Variants in SEC13 observed in about 807,000 individuals in gnomAD.
SEC13 encodes the protein protein SEC13 homolog.
In SEC13, 25 loss-of-function variants were observed where a neutral mutation model predicts 49.2. That is an observed-to-expected ratio of 0.51 (90% CI 0.37 to 0.71). SEC13 has a LOEUF of 0.71. Ranked by LOEUF, SEC13 falls within the 30% of genes least tolerant of loss-of-function variation. The probability of loss-of-function intolerance (pLI) is 0.00; values close to 1 mark genes in which losing one functional copy is unlikely to be tolerated. For missense variants in SEC13, 383 were observed against 417.6 expected (o/e 0.92, Z 0.72); for synonymous variants, 148 against 163.9 (o/e 0.90, Z 0.74).
chr3:10,320,841 C>G (rs2059764284), intron 1 of SEC13: 3 of 1,319,692 alleles, frequency 2.3e-6, no homozygotes, highest in African/African-American at 3.1e-5. Context: ...CGGCGCGCCC[C>G]GCAAAGTCAG....
chr3:10,311,915 CGGGGCAAGGCA>C lies in SEC13; in HGVS notation c.450+39_450+49del, dbSNP rs752883675. The C allele has an allele frequency of 9.9e-6, 16 of 1,613,848 alleles. No individual in the cohort carries two copies. The Admixed American group carries it at 1.3e-4, about 13-fold the overall frequency. Reference sequence around the variant, plus strand: ...CCCTCTAGGGAGGCTGCAGCAGACACGGGGCAAGGCAGGCGCTCTCACTGCACGAAAGGCAG... The same window carrying C: ...CCCTCTAGGGAGGCTGCAGCAGACACGGCGCTCTCACTGCACGAAAGGCAG... On this transcript the variant is annotated intron_variant, in intron 5 of 8. Coordinates refer to ENST00000350697, the MANE Select transcript of SEC13 (RefSeq NM_183352.3).
At chr3:10,318,117 T>C in intron 1 of SEC13, 23 bp from the exon 2 acceptor site, 1 of 1,553,940 alleles carries the variant, frequency 6.4e-7, no homozygotes, top group African/African-American at 1.4e-5. Flanking sequence ...ATATCACTGG[T>C]AAATTAACTC....
At chr3:10,318,184 C>T (rs756972842) in intron 1 of SEC13, 90 bp from the exon 2 acceptor site, 2 of 846,046 alleles carry the variant, frequency 2.4e-6, no homozygotes, top group East Asian at 2.5e-5. Flanking sequence ...TGTTCACTCA[C>T]TCATTCATTC....
At chr3:10,307,157 T>G (rs1469370295) in intron 5 of SEC13, among the ~76,000 whole-genome samples, 1 of 151,810 alleles carries the variant, frequency 6.6e-6, no homozygotes, top group Non-Finnish European at 1.5e-5. Context: ...TAGGCTCAAG[T>G]GATCCTCCCA....
At chr3:10,308,462 T>C (rs1182640416) in intron 5 of SEC13, among the ~76,000 whole-genome samples, 2 of 152,216 alleles carry the variant, frequency 1.3e-5, no homozygotes, top group Non-Finnish European at 2.9e-5. Flanking sequence ...TCACAACTTA[T>C]CATTTACCTG....
chr3:10,303,218 G>A (rs1700651833), intron 8 of SEC13, among the ~76,000 whole-genome samples: 1 of 152,238 alleles, frequency 6.6e-6, no homozygotes, highest in Non-Finnish European at 1.5e-5. Flanking sequence ...ATAGGCAAGG[G>A]AGAGAAGCAG....
Position 10,304,306 on chromosome 3 carries a change from C to T in SEC13, c.709-134G>A, listed in dbSNP as rs1263969006. 8.9e-6 allele frequency: 7 copies of T among 784,278 alleles called. No individual in the cohort carries two copies. In the East Asian group the frequency reaches 1.8e-4, roughly 20 times the overall value. 48.6% of individuals were successfully genotyped at this position (784,278 alleles called of 1,614,324 possible). A position where few individuals can be genotyped will look rare whatever the true frequency, so the allele number is the denominator to read the frequency against. ...GGGGGATTCAAAGGGGAGCCGAGGA[C>T]CTCTGGGGCGTCCACAGCTTTGTTT... On this transcript the variant is annotated intron_variant, in intron 7 of 8. Coordinates refer to ENST00000350697, the MANE Select transcript of SEC13 (RefSeq NM_183352.3).
chr3:10,320,783 A>T (rs2059762826), intron 1 of SEC13: 3 of 1,322,642 alleles, frequency 2.3e-6, no homozygotes, highest in Non-Finnish European at 2.9e-6. Context: ...TTTTGTTTTC[A>T]ATTGTTGACC....
Position 10,305,687 on chromosome 3 carries a change from G to A in SEC13, c.456C>T (p.Gly152=), listed in dbSNP as rs527699110. Residue 152 remains glycine (G), a synonymous_variant, in exon 6 of 9, where the codon GGC becomes GGT. Coordinates refer to ENST00000350697, the MANE Select transcript of SEC13 (RefSeq NM_183352.3). ...VKKINNAHTI[G]CNAVSWAPAV... ...CAGGGGCCCAGCTGACGGCATTGCA[G>A]CCAATCTGTAAAGATGGGACACATG... is the stretch of plus-strand genomic sequence containing the variant. 109 of 1,614,212 alleles carry A rather than the reference G, an allele frequency of 6.8e-5. 1 individual carries two copies. In the South Asian group the frequency reaches 1.1e-3, roughly 16 times the overall value.
chr3:10,320,189 G>A (rs935283979), intron 1 of SEC13, among the ~76,000 whole-genome samples: 4 of 152,164 alleles, frequency 2.6e-5, no homozygotes, highest in African/African-American at 9.7e-5. Flanking sequence ...AACCTGCAGT[G>A]GAAGAGCCAG....
Position 10,303,772 on chromosome 3 carries a change from C to T in SEC13, c.855+254G>A, listed in dbSNP as rs1291603427. ...ATGGGCCTGACTGGCTCTGCCACCT[C>T]ATAGTTTTGGGACCCCCATGCAAGT... On this transcript the variant is annotated intron_variant, in intron 8 of 8. Transcript: ENST00000350697. 41 of 525,734 alleles carry T rather than the reference C, an allele frequency of 7.8e-5. No individual in the cohort carries two copies. In the East Asian group the frequency reaches 1.4e-3, roughly 17 times the overall value. 32.6% of individuals were successfully genotyped at this position (525,734 alleles called of 1,614,324 possible).
At chr3:10,305,724 T>C in intron 5 of SEC13, 32 bp from the exon 6 acceptor site, 2 of 1,612,938 alleles carry the variant, frequency 1.2e-6, no homozygotes, top group Non-Finnish European at 1.7e-6. Flanking sequence ...TGACTCTGCC[T>C]TGCAAGAGAA....
intron 1 of SEC13, among the ~76,000 whole-genome samples, chr3:10,319,795 AAGGCGG>A (rs1559503187): frequency 4.3e-4 from 1 of 2,346 alleles, no homozygotes; most frequent in East Asian, 0.017. Flanking sequence ...AGAGAGAGAG[AAGGCGG>A]GGGGGGGGGG....
intron 5 of SEC13, among the ~76,000 whole-genome samples, chr3:10,309,301 A>C (rs770638163): frequency 6.6e-6 from 1 of 152,050 alleles, no homozygotes; most frequent in Non-Finnish European, 1.5e-5. Context: ...TTTTAATTTT[A>C]AGAAAGTTTT....
At chr3:10,303,061 G>A (rs1700639208) in intron 8 of SEC13, among the ~76,000 whole-genome samples, 1 of 152,218 alleles carries the variant, frequency 6.6e-6, no homozygotes, top group Admixed American at 6.5e-5. Context: ...TTATTTAATG[G>A]GTACAGAGTT....
Position 10,312,700 on chromosome 3 carries a change from C to A in SEC13, c.195G>T (p.Trp65Cys), listed in dbSNP as rs377607447. 1.2e-6 allele frequency: 2 copies of A among 1,614,078 alleles called. No individual in the cohort carries two copies. The highest frequency in any genetic ancestry group is 2.7e-5 in the African/African-American group (2 of 74,898). Reference protein sequence around the residue: ...GHEGPVWQVAWAHPMYGNILA... With the variant: ...GHEGPVWQVACAHPMYGNILA... ...GGATGTTGCCGTACATGGGGTGAGCCCAGGCCACTTGCCACACAGGACCCT... is the reference window on the plus strand; with the variant it reads ...GGATGTTGCCGTACATGGGGTGAGCACAGGCCACTTGCCACACAGGACCCT... Residue 65 changes from tryptophan (W) to cysteine (C), a missense_variant, in exon 4 of 9, where the codon TGG becomes TGT. Transcript: ENST00000350697.
At chr3:10,304,215 CCTG>C in intron 7 of SEC13, 43 bp from the exon 8 acceptor site, 1 of 1,606,228 alleles carries the variant, frequency 6.2e-7, no homozygotes, top group Admixed American at 1.7e-5. Context: ...AGTCAAGACT[CCTG>C]CGTTTGTGAT....
chr3:10,315,514 G>C (rs1231788543), intron 2 of SEC13, 78 bp from the exon 3 acceptor site: 1 of 756,224 alleles, frequency 1.3e-6, no homozygotes, highest in Non-Finnish European at 2.2e-6. Flanking sequence ...ACTACACAGA[G>C]TCTAGTTTGG....
intron 4 of SEC13, 82 bp from the exon 5 acceptor site, chr3:10,312,180 C>T (rs1223678205): frequency 2.0e-6 from 3 of 1,490,976 alleles, no homozygotes; most frequent in Non-Finnish European, 2.7e-6. Flanking sequence ...TACTGTTTTA[C>T]TAAATGTCTA....
Sources: allele counts gnomAD v4.1 joint callset (sites outside exome capture counted in the v4.1 genomes callset), GRCh38; gene constraint gnomAD v4.1.1; transcripts MANE v1.5; gene names NCBI Gene and HGNC (gene_info 2026-07-23, HGNC 2026-07-21).